Variants in RARB observed in about 807,000 individuals in gnomAD.
RARB encodes HBV-activated protein.
RARB carries 17 observed loss-of-function variants against 51.9 expected under a neutral mutation model. The observed-to-expected ratio is 0.33, with a 90% confidence interval of 0.22 to 0.49. The LOEUF (loss-of-function observed/expected upper bound fraction) is 0.49, where lower values mean the gene tolerates loss of function less well. Ranked by LOEUF, RARB falls within the 20% of genes least tolerant of loss-of-function variation. The pLI is 0.99. For missense variants in RARB, 369 were observed against 550.8 expected (o/e 0.67, Z 3.30); for synonymous variants, 215 against 195.4 (o/e 1.10, Z -0.84).
chr3:25,230,199 T>C (rs1367259683), intron 5 of RARB, among the ~76,000 whole-genome samples: 1 of 152,130 alleles, frequency 6.6e-6, no homozygotes, highest in Non-Finnish European at 1.5e-5. Flanking sequence ...GAGGAATGAT[T>C]TTATAATGAT....
chr3:24,998,859 A>G (rs949319165), intron 2 of RARB, among the ~76,000 whole-genome samples: 1 of 152,262 alleles, frequency 6.6e-6, no homozygotes, highest in Admixed American at 6.5e-5. Context: ...ATATTCTTAG[A>G]TATTAATATT....
intron 5 of RARB, among the ~76,000 whole-genome samples, chr3:25,190,887 A>G (rs1283241254): frequency 6.6e-6 from 1 of 152,128 alleles, no homozygotes; most frequent in Non-Finnish European, 1.5e-5. Context: ...ATCAAAAAAA[A>G]TCATCTGGTT....
At chr3:25,483,527 CTTT>C (rs199602182) in intron 2 of RARB, among the ~76,000 whole-genome samples, 33,393 of 113,550 alleles carry the variant, frequency 0.29, 3,990 homozygotes, top group East Asian at 0.45. Context: ...CATATTTCTT[CTTT>C]TTTTTTTTTT....
At chr3:25,123,449 C>G (rs976719514) in intron 3 of RARB, among the ~76,000 whole-genome samples, 2 of 152,210 alleles carry the variant, frequency 1.3e-5, no homozygotes, top group Non-Finnish European at 1.5e-5. Context: ...GTGTTCTTCA[C>G]TAGACATATT....
At chr3:25,218,001 C>T (rs1701870488) in intron 5 of RARB, among the ~76,000 whole-genome samples, 2 of 152,142 alleles carry the variant, frequency 1.3e-5, no homozygotes, top group African/African-American at 4.8e-5. Flanking sequence ...TCCCTCTACT[C>T]TTTTTTGTTT....
At chr3:25,409,483 G>A (rs991304088) in intron 5 of RARB, among the ~76,000 whole-genome samples, 1 of 152,102 alleles carries the variant, frequency 6.6e-6, no homozygotes, top group Non-Finnish European at 1.5e-5. Context: ...ACTCTGTAGT[G>A]CCATAGGGTG....
chr3:25,077,096 G>A (rs1314461572), intron 3 of RARB, among the ~76,000 whole-genome samples: 1 of 152,142 alleles, frequency 6.6e-6, no homozygotes, highest in Admixed American at 6.5e-5. Context: ...GAAATACATT[G>A]GTCCTCCCCA....
intron 2 of RARB, among the ~76,000 whole-genome samples, chr3:25,473,217 CA>C (rs550740038): frequency 7.3e-4 from 111 of 151,662 alleles, no homozygotes; most frequent in Admixed American, 1.9e-3. Flanking sequence ...AGTATTTTTC[CA>C]CTTCAGAAAG....
chr3:25,277,720 G>C (rs796422931), intron 5 of RARB, among the ~76,000 whole-genome samples: 18 of 152,326 alleles, frequency 1.2e-4, no homozygotes, highest in African/African-American at 4.1e-4. Flanking sequence ...CAAAATAGAA[G>C]TTGGCCATTC....
chr3:25,532,584 A>G (rs1022456615), intron 3 of RARB, among the ~76,000 whole-genome samples: 1 of 152,210 alleles, frequency 6.6e-6, no homozygotes, highest in Non-Finnish European at 1.5e-5. Flanking sequence ...TTGCCTCCCA[A>G]GAGTGTTTGA....
chr3:25,192,585 C>A (rs1392847558), intron 5 of RARB, among the ~76,000 whole-genome samples: 2 of 152,020 alleles, frequency 1.3e-5, no homozygotes, highest in Non-Finnish European at 1.5e-5. Flanking sequence ...CTACTTGGGG[C>A]AGAACTGTTC....
chr3:25,094,067 C>A (rs1330699989), intron 3 of RARB, among the ~76,000 whole-genome samples: 1 of 152,116 alleles, frequency 6.6e-6, no homozygotes, highest in Non-Finnish European at 1.5e-5. Flanking sequence ...GGTCCAGACC[C>A]AGAGAAAATG....
At chr3:25,218,324 C>T (rs1213133345) in intron 5 of RARB, among the ~76,000 whole-genome samples, 1 of 152,068 alleles carries the variant, frequency 6.6e-6, no homozygotes, top group Non-Finnish European at 1.5e-5. Context: ...TGTGCACACA[C>T]ATATCCGCCC....
Position 25,207,958 on chromosome 3 carries a change from C to T in RARB, c.178+33383C>T, listed in dbSNP as rs577643041. On this transcript the variant is annotated intron_variant, in intron 5 of 11. Coordinates refer to the RARB transcript ENST00000383772. Reference sequence around the variant, plus strand: ...GAAGAGGCCTCAGGGAGGTTTTACTCATGGCAGAAAGCAAAGCAGGAGCAA... The same window carrying T: ...GAAGAGGCCTCAGGGAGGTTTTACTTATGGCAGAAAGCAAAGCAGGAGCAA... Among the ~76,000 whole-genome samples the T allele has an allele frequency of 2.9e-4, 44 of 151,606 alleles. 1 individual carries two copies. In the South Asian group the frequency reaches 9.1e-3, roughly 32 times the overall value.
chr3:25,199,625 G>C (rs977152907), intron 5 of RARB, among the ~76,000 whole-genome samples: 5 of 152,094 alleles, frequency 3.3e-5, no homozygotes, highest in African/African-American at 4.8e-5. Flanking sequence ...GCACTGGTGT[G>C]TGATGTTCCC....
intron 2 of RARB, among the ~76,000 whole-genome samples, chr3:25,490,433 G>A (rs1299407): frequency 0.53 from 79,991 of 152,022 alleles, 22,666 homozygotes; most frequent in African/African-American, 0.75. Context: ...GCATGTTATG[G>A]TAGAGCCATG....
chr3:25,497,501 G>A (rs979495599), intron 2 of RARB, among the ~76,000 whole-genome samples: 1 of 152,014 alleles, frequency 6.6e-6, no homozygotes, highest in Non-Finnish European at 1.5e-5. Context: ...CACTCTCTAG[G>A]TACCCAACTC....
intron 2 of RARB, among the ~76,000 whole-genome samples, chr3:24,879,385 C>T (rs954205280): frequency 1.3e-5 from 2 of 150,284 alleles, no homozygotes; most frequent in African/African-American, 2.5e-5. Context: ...GGCGAGATCG[C>T]ATCACTGCAT....
rs532041429 is a variant in RARB at position 25,501,574 on chromosome 3, G to A, written c.448+251G>A. Among the ~76,000 whole-genome samples, 20 of 152,346 alleles carry A rather than the reference G, an allele frequency of 1.3e-4. No individual in the cohort carries two copies. The South Asian group carries it at 4.1e-3, about 32-fold the overall frequency. The stretch of plus-strand genomic sequence containing the variant: ...ATTCCAAAGCAGTGGCTAACTCACT[G>A]TGGATCCCAGAGCCATTAGCAGTAA... On this transcript the variant is annotated intron_variant, in intron 3 of 7. Transcript: ENST00000330688.
Sources: gnomAD v4.1 joint callset for allele counts (sites outside exome capture counted in the v4.1 genomes callset) on GRCh38, gnomAD v4.1.1 for gene constraint, MANE v1.5 for transcripts, NCBI Gene and HGNC (gene_info 2026-07-23, HGNC 2026-07-21) for gene names.